SLC35F4: variants seen among roughly 807,000 people sequenced by gnomAD.
SLC35F4 encodes chromosome 14 open reading frame 36.
In SLC35F4, 24 loss-of-function variants were observed where a neutral mutation model predicts 44.2. That is an observed-to-expected ratio of 0.54 (90% confidence interval 0.39 to 0.76). The LOEUF is 0.76. Ranked by LOEUF, SLC35F4 falls within the 30% of genes least tolerant of loss-of-function variation. The pLI, the probability that SLC35F4 is intolerant of heterozygous loss-of-function variation, is 0.00. For synonymous variants in SLC35F4, 238 were observed against 223.6 expected, an observed-to-expected ratio of 1.06 and a Z score of -0.57; for missense variants, 562 against 586.1, an observed-to-expected ratio of 0.96 and a Z score of 0.42.
intron 1 of SLC35F4, among the ~76,000 whole-genome samples, chr14:57,854,093 T>C (rs1298145444): frequency 6.6e-6 from 1 of 152,038 alleles, no homozygotes; most frequent in Non-Finnish European, 1.5e-5. Context: ...AGTGAAAAAA[T>C]GCTTATCCTG....
intron 1 of SLC35F4, among the ~76,000 whole-genome samples, chr14:57,803,001 A>G (rs1194555252): frequency 3.0e-5 from 4 of 133,664 alleles, no homozygotes; most frequent in South Asian, 5.0e-4. Context: ...AAAAAAAAAA[A>G]AAAAAGAAAT....
At chr14:57,925,111 C>A (rs1006908538) in intron 1 of SLC35F4, among the ~76,000 whole-genome samples, 6 of 151,936 alleles carry the variant, frequency 3.9e-5, no homozygotes, top group Non-Finnish European at 7.4e-5. Context: ...ATTCACTCAT[C>A]CCGCACCCTC....
chr14:57,975,902 C>T (rs1014779461), downstream of SLC35F4, among the ~76,000 whole-genome samples: 2 of 152,156 alleles, frequency 1.3e-5, no homozygotes, highest in Non-Finnish European at 2.9e-5. Context: ...TCATACTGGT[C>T]AGCAAGACTT....
At chr14:57,893,393 C>T (rs1456948340) in intron 1 of SLC35F4, among the ~76,000 whole-genome samples, 4 of 152,106 alleles carry the variant, frequency 2.6e-5, no homozygotes, top group Admixed American at 1.3e-4. Context: ...ATTTGATTCC[C>T]ATTTTTCATA....
intron 1 of SLC35F4, among the ~76,000 whole-genome samples, chr14:57,755,512 A>G (rs2076975433): frequency 6.6e-6 from 1 of 152,232 alleles, no homozygotes; most frequent in Non-Finnish European, 1.5e-5. Context: ...TGGGTTGATC[A>G]TAAACAAAAA....
Position 57,910,192 on chromosome 14 carries a change from G to T in SLC35F4, n.282+71721C>A, listed in dbSNP as rs1480953100. Among the ~76,000 whole-genome samples, 3 of 151,780 alleles carry T rather than the reference G, an allele frequency of 2.0e-5. No homozygotes were observed. In the East Asian group the frequency reaches 5.8e-4, roughly 29 times the overall value. ...GTTTTAAGAATCCTTTGTATATTTT[G>T]TATATCAGTCCTGTATCGGATGTGT... On this transcript the variant is annotated intron_variant and non_coding_transcript_variant, in intron 1 of 1. Coordinates refer to the SLC35F4 transcript ENST00000556568.
At chr14:57,617,291 C>T (rs570112604) in intron 1 of SLC35F4, among the ~76,000 whole-genome samples, 7 of 151,818 alleles carry the variant, frequency 4.6e-5, no homozygotes, top group Admixed American at 6.6e-5. Flanking sequence ...CTACCACATT[C>T]GGCTAACTTT....
intron 1 of SLC35F4, among the ~76,000 whole-genome samples, chr14:57,695,892 A>T (rs980243262): frequency 7.2e-5 from 11 of 152,182 alleles, no homozygotes; most frequent in Non-Finnish European, 4.4e-5. Flanking sequence ...GAAACTGGAG[A>T]CTTTTATATT....
chr14:57,920,585 T>C (rs147149674), intron 1 of SLC35F4, among the ~76,000 whole-genome samples: 11 of 152,170 alleles, frequency 7.2e-5, no homozygotes, highest in Admixed American at 3.9e-4. Context: ...AAAAGAAGAA[T>C]ATATATAAAA....
chr14:57,582,017 A>G (rs1194920706), intron 3 of SLC35F4, among the ~76,000 whole-genome samples: 1 of 152,232 alleles, frequency 6.6e-6, no homozygotes, highest in Non-Finnish European at 1.5e-5. Flanking sequence ...GATAAAAACT[A>G]TAATAGAAAA....
chr14:57,821,968 A>G (rs1262794793), intron 1 of SLC35F4, among the ~76,000 whole-genome samples: 2 of 152,222 alleles, frequency 1.3e-5, no homozygotes, highest in Admixed American at 1.3e-4. Flanking sequence ...CCCTGCCTAC[A>G]TGTCCATGTC....
chr14:57,710,981 GT>G (rs1416127982), intron 1 of SLC35F4, among the ~76,000 whole-genome samples: 1 of 152,058 alleles, frequency 6.6e-6, no homozygotes, highest in Non-Finnish European at 1.5e-5. Context: ...GCATGATTGT[GT>G]TTTGAAATGT....
At chr14:57,950,045 T>C (rs1052138412) in intron 1 of SLC35F4, among the ~76,000 whole-genome samples, 1 of 152,176 alleles carries the variant, frequency 6.6e-6, no homozygotes, top group Non-Finnish European at 1.5e-5. Flanking sequence ...AACAGTTCTT[T>C]GAGCTTCTTG....
chr14:57,788,805 A>G (rs1415277860), intron 1 of SLC35F4, among the ~76,000 whole-genome samples: 1 of 152,162 alleles, frequency 6.6e-6, no homozygotes, highest in Non-Finnish European at 1.5e-5. Flanking sequence ...CGGAAATCAA[A>G]ACAGTCTGTC....
intron 1 of SLC35F4, among the ~76,000 whole-genome samples, chr14:57,881,067 T>C (rs1460222687): frequency 6.6e-6 from 1 of 152,124 alleles, no homozygotes; most frequent in Non-Finnish European, 1.5e-5. Flanking sequence ...ATGATATCCC[T>C]GACACTGGGA....
At chr14:57,687,509 T>C (rs1430717654) in intron 1 of SLC35F4, among the ~76,000 whole-genome samples, 1 of 152,226 alleles carries the variant, frequency 6.6e-6, no homozygotes, top group Non-Finnish European at 1.5e-5. Context: ...TCTCATCTTT[T>C]AGAGCAAATG....
chr14:57,670,045 T>G (rs1405358346), intron 1 of SLC35F4, among the ~76,000 whole-genome samples: 1 of 152,164 alleles, frequency 6.6e-6, no homozygotes, highest in Non-Finnish European at 1.5e-5. Flanking sequence ...AACTTCTTCC[T>G]GGTTTAGTCT....
intron 4 of SLC35F4, among the ~76,000 whole-genome samples, chr14:57,579,190 TTAA>T (rs1320560553): frequency 6.6e-6 from 1 of 152,176 alleles, no homozygotes; most frequent in Non-Finnish European, 1.5e-5. Flanking sequence ...GATCCTTAAG[TTAA>T]TAATATCTGC....
At chr14:57,789,697 T>C (rs988188611) in intron 1 of SLC35F4, among the ~76,000 whole-genome samples, 4 of 151,760 alleles carry the variant, frequency 2.6e-5, no homozygotes, top group Admixed American at 6.6e-5. Flanking sequence ...CAACCAAAAA[T>C]AAAATTTCAG....
Sources: allele counts gnomAD v4.1 joint callset (sites outside exome capture counted in the v4.1 genomes callset), GRCh38; gene constraint gnomAD v4.1.1; transcripts MANE v1.5; gene names NCBI Gene and HGNC (gene_info 2026-07-23, HGNC 2026-07-21).